ACSL6: variants seen among roughly 807,000 people sequenced by gnomAD.
The protein encoded by ACSL6 is acyl-CoA synthetase long chain family member 6.
In ACSL6, 47 loss-of-function variants were observed where a neutral mutation model predicts 98.2. The observed-to-expected ratio is 0.48, with a 90% CI of 0.38 to 0.61. The LOEUF (loss-of-function observed/expected upper bound fraction) is 0.61. Ranked by LOEUF, ACSL6 falls within the 20% of genes least tolerant of loss-of-function variation. ACSL6 has a pLI of 0.00. For synonymous variants in ACSL6, 362 were observed against 336.9 expected (o/e 1.07, Z -0.82); for missense variants, 761 against 913.4 (o/e 0.83, Z 2.15).
At chr5:132,007,824 A>G (rs990671674) in intron 1 of ACSL6, among the ~76,000 whole-genome samples, 3 of 152,218 alleles carry the variant, frequency 2.0e-5, no homozygotes, top group African/African-American at 7.2e-5. Context: ...AGCTTCTGTT[A>G]TACAAAAGCC....
At position 131,951,315 on chromosome 5, in the gene ACSL6, C is replaced by T. The variant is rs940013875; in HGVS notation, c.*2919G>A. The T allele has an allele frequency of 2.0e-5, 4 of 203,842 alleles. No homozygotes were observed. Among genetic ancestry groups the T allele is most frequent in the African/African-American group, 9.2e-5 (4 of 43,680 alleles). The allele number at this position is 203,842 out of a possible 1,614,324, so 12.6% of individuals were successfully genotyped here. The stretch of plus-strand genomic sequence containing the variant: ...AATGAGAAATACAGATTTTTTTCTC[C>T]TCCAGAATAAAGTTGGGAAATCTGA... On this transcript the variant is annotated 3_prime_UTR_variant, in exon 21 of 21. Coordinates refer to ENST00000651883, the MANE Select transcript of ACSL6 (RefSeq NM_001009185.3).
At chr5:131,964,443 A>G (rs1752901414) in intron 17 of ACSL6, among the ~76,000 whole-genome samples, 1 of 152,266 alleles carries the variant, frequency 6.6e-6, no homozygotes, top group South Asian at 2.1e-4. Flanking sequence ...GGACTCTCAC[A>G]GACTACCTGC....
In ACSL6 at chr5:131,950,575, TTC is replaced by T. The variant is rs1752106494; in HGVS notation, c.*3657_*3658del. 4 of 196,634 alleles carry T rather than the reference TTC, an allele frequency of 2.0e-5. No individual in the cohort carries two copies. Among genetic ancestry groups the T allele is most frequent in the African/African-American group, 9.2e-5 (4 of 43,358 alleles). 12.2% of individuals were successfully genotyped at this position (196,634 alleles called of 1,614,324 possible). ...TACCAATTTTATATACGGTTATTCATTCTTTTTTTCCTGAGATATTAAGCACA... is the reference window on the plus strand; with the variant it reads ...TACCAATTTTATATACGGTTATTCATTTTTTTTCCTGAGATATTAAGCACA... On this transcript the variant is annotated 3_prime_UTR_variant, in exon 21 of 21. Coordinates refer to ENST00000651883, the MANE Select transcript of ACSL6 (RefSeq NM_001009185.3).
chr5:131,972,884 T>C (rs767851486), intron 12 of ACSL6, 26 bp from the exon 13 acceptor site: 2 of 1,613,994 alleles, frequency 1.2e-6, no homozygotes, highest in South Asian at 2.2e-5. Flanking sequence ...TGGAAGCAGC[T>C]GTCAGAGCCT....
At chr5:131,976,557 AG>A in intron 10 of ACSL6, 90 bp downstream of exon 10, 3 of 1,178,470 alleles carry the variant, frequency 2.5e-6, no homozygotes, top group Non-Finnish European at 3.6e-6. Flanking sequence ...AAAAAAAAAA[AG>A]AAAAAGAAAA....
intron 10 of ACSL6, 111 bp downstream of exon 10, chr5:131,976,537 A>G (rs1753622627): frequency 9.2e-6 from 9 of 973,982 alleles, no homozygotes; most frequent in Non-Finnish European, 1.2e-5. Flanking sequence ...AGCCCAGGTT[A>G]TATCAAGAAA....
In ACSL6 at chr5:131,966,505, T is replaced by C; in HGVS notation, c.1624A>G (p.Lys542Glu). Reference sequence around the variant, plus strand: ...CTGTCTGGATCTTTCAAGTAGCCTTTGAACACATTTGGTCCTCTCACACAT... The same window carrying C: ...CTGTCTGGATCTTTCAAGTAGCCTTCGAACACATTTGGTCCTCTCACACAT... ...EICVRGPNVF[K>E]GYLKDPDRTK... Residue 542 changes from lysine (K) to glutamate (E), a missense_variant, in exon 17 of 21, where the codon AAA becomes GAA. Transcript: ENST00000651883. 6.2e-7 allele frequency: 1 copy of C among 1,614,182 alleles called. No homozygotes were observed. The highest frequency in any genetic ancestry group is 8.5e-7 in the Non-Finnish European group (1 of 1,180,016).
At chr5:131,966,281 C>T (rs924587622) in intron 17 of ACSL6, 135 bp downstream of exon 17, 8 of 782,502 alleles carry the variant, frequency 1.0e-5, no homozygotes, top group Middle Eastern at 3.8e-4. Context: ...GAAGAGCCTC[C>T]CCCCAGGCCC....
intron 10 of ACSL6, 126 bp downstream of exon 10, chr5:131,976,522 A>G (rs1422460381): frequency 6.1e-6 from 5 of 818,508 alleles, no homozygotes; most frequent in Non-Finnish European, 9.5e-6. Context: ...CTGCCTGTGA[A>G]TGGCAGCCCA....
intron 20 of ACSL6, among the ~76,000 whole-genome samples, chr5:131,956,303 C>T (rs1195933912): frequency 6.6e-6 from 1 of 152,176 alleles, no homozygotes; most frequent in East Asian, 1.9e-4. Flanking sequence ...ACAGCATCAA[C>T]AGGTAGATTT....
At chr5:131,955,220 G>T (rs1200368862) in intron 20 of ACSL6, among the ~76,000 whole-genome samples, 1 of 152,096 alleles carries the variant, frequency 6.6e-6, no homozygotes, top group Non-Finnish European at 1.5e-5. Flanking sequence ...GCTAAAGATA[G>T]GTATCATCTT....
At chr5:132,005,972 A>T (rs901270616) in intron 1 of ACSL6, among the ~76,000 whole-genome samples, 3 of 152,204 alleles carry the variant, frequency 2.0e-5, no homozygotes, top group Admixed American at 1.3e-4. Flanking sequence ...ACATTTGCTT[A>T]TACCAGGGGC....
chr5:132,006,898 A>G (rs1460698538), intron 1 of ACSL6: 1 of 152,190 alleles, frequency 6.6e-6, no homozygotes. Context: ...TGCTTCTAAC[A>G]TATTGGCATC....
At chr5:131,989,374 A>G in intron 5 of ACSL6, 33 bp downstream of exon 5, 1 of 1,599,230 alleles carries the variant, frequency 6.3e-7, no homozygotes, top group Non-Finnish European at 8.6e-7. Flanking sequence ...TACCCCACGA[A>G]TCCCTCTAAA....
chr5:131,994,740 C>T (rs531001268), intron 1 of ACSL6: 1 of 179,400 alleles, frequency 5.6e-6, no homozygotes, highest in African/African-American at 2.4e-5. Flanking sequence ...CCTCTAATCT[C>T]CCAACTCCAG....
At chr5:131,967,368 TTTAA>T (rs1561780834) in intron 16 of ACSL6, among the ~76,000 whole-genome samples, 1 of 151,656 alleles carries the variant, frequency 6.6e-6, no homozygotes, top group African/African-American at 2.4e-5. Flanking sequence ...CTATTAAAAA[TTTAA>T]TTAATTAAGG....
chr5:131,977,949 G>C (rs1405818966), intron 9 of ACSL6, among the ~76,000 whole-genome samples: 1 of 152,160 alleles, frequency 6.6e-6, no homozygotes, highest in Non-Finnish European at 1.5e-5. Flanking sequence ...CAAAAGGGGA[G>C]GAATGAAGGG....
intron 2 of ACSL6, 29 bp downstream of exon 2, chr5:131,994,002 C>T (rs1032273937): frequency 1.1e-5 from 17 of 1,605,224 alleles, no homozygotes; most frequent in Middle Eastern, 4.2e-4. Context: ...CCCTACTTTC[C>T]GCAGTGGAAC....
Position 131,962,546 on chromosome 5 carries a change from C to G in ACSL6, c.1846G>C (p.Asp616His). The G allele has an allele frequency of 6.2e-7, 1 of 1,613,988 alleles. No homozygotes were observed. The highest frequency in any genetic ancestry group is 1.1e-5 in the South Asian group (1 of 91,052). ...QPVAQIYVHG[D>H]SLKAFLVGIV... The stretch of plus-strand genomic sequence containing the variant: ...CCTAGAGGCCTCACCTTTAAGCTGT[C>G]CCCATGGACATAGATTTGCGCCACA... Residue 616 changes from aspartate (D) to histidine (H), a missense_variant, in exon 18 of 21, where the codon GAC becomes CAC. Physicochemically the swap from Asp to His is moderately conservative, Grantham distance 81. Coordinates refer to ENST00000651883, the MANE Select transcript of ACSL6 (RefSeq NM_001009185.3).
Sources: gnomAD v4.1 joint callset for allele counts (sites outside exome capture counted in the v4.1 genomes callset) on GRCh38, gnomAD v4.1.1 for gene constraint, MANE v1.5 for transcripts, NCBI Gene and HGNC (gene_info 2026-07-23, HGNC 2026-07-21) for gene names.